Variants in GALNS observed in about 807,000 individuals in gnomAD.
GALNS encodes N-acetylgalactosamine-6-sulfatase.
GALNS carries 65 observed loss-of-function variants against 65.9 expected under a neutral mutation model. The ratio of observed to expected loss-of-function variants is 0.99; its 90% CI spans 0.81 to 1.21. The LOEUF (loss-of-function observed/expected upper bound fraction) is 1.21. Ranked by LOEUF, GALNS falls within the 50% of genes most tolerant of loss-of-function variation. The pLI, the probability that GALNS is intolerant of heterozygous loss-of-function variation, is 0.00. For synonymous variants in GALNS, 346 were observed against 288.9 expected (o/e 1.20, Z -2.00); for missense variants, 776 against 700.7 (o/e 1.11, Z -1.21).
At chr16:88,830,230 CAAAAAAAAAAA>C (rs758855583) in intron 9 of GALNS, among the ~76,000 whole-genome samples, 319 of 14,004 alleles carry the variant, frequency 0.023, 1 homozygote, top group African/African-American at 0.052. Context: ...GACTTCATCT[CAAAAAAAAAAA>C]AAAAAAAAAA....
chr16:88,850,272 T>G (rs1024269577), intron 1 of GALNS, among the ~76,000 whole-genome samples: 2 of 152,180 alleles, frequency 1.3e-5, no homozygotes, highest in Non-Finnish European at 1.5e-5. Context: ...ATCTGAATAC[T>G]GGGTGCCATG....
chr16:88,832,245 CG>C (rs1352527210), intron 8 of GALNS, 144 bp from the exon 9 acceptor site: 1 of 766,432 alleles, frequency 1.3e-6, no homozygotes, highest in African/African-American at 1.7e-5. Context: ...ATCCGAGCCT[CG>C]GGGTGGCTCT....
intron 12 of GALNS, among the ~76,000 whole-genome samples, chr16:88,820,914 G>A (rs977111097): frequency 7.9e-5 from 12 of 152,100 alleles, no homozygotes; most frequent in African/African-American, 2.9e-4. Flanking sequence ...TCTGCTCCCC[G>A]TGGTCCCCCT....
chr16:88,840,922 T>C (rs1219118433), intron 4 of GALNS, 70 bp downstream of exon 4: 7 of 1,220,244 alleles, frequency 5.7e-6, no homozygotes, highest in Middle Eastern at 1.9e-4. Flanking sequence ...CTTGTGGCCA[T>C]GTCCCTTGGA....
At chr16:88,848,311 G>T (rs565689093) in intron 1 of GALNS, among the ~76,000 whole-genome samples, 2 of 152,052 alleles carry the variant, frequency 1.3e-5, no homozygotes, top group African/African-American at 2.4e-5. Context: ...TTTCACCAGC[G>T]AATTCCGTCT....
intron 1 of GALNS, among the ~76,000 whole-genome samples, chr16:88,846,629 C>T (rs1321183298): frequency 1.3e-5 from 2 of 150,466 alleles, no homozygotes; most frequent in Admixed American, 1.3e-4. Context: ...GCAACCTTTG[C>T]CTCTCGGGTT....
rs1967935882 is a variant in GALNS at position 88,856,762 on chromosome 16, T to C, written c.116A>G (p.Asp39Gly). Residue 39 changes from aspartate (D) to glycine (G), a missense_variant, in exon 1 of 14, where the codon GAC becomes GGC. Physicochemically the swap from Asp to Gly is moderately conservative, Grantham distance 94. Coordinates refer to ENST00000268695, the MANE Select transcript of GALNS (RefSeq NM_000512.5). ...QPPNILLLLM[D>G]DMGWGDLGVY... ...CGTCCCACCGCCCGCACTCACGTCG[T>C]CCATGAGCAGGAGCAGGATGTTGGG... is the stretch of plus-strand genomic sequence containing the variant. 4.0e-6 allele frequency: 6 copies of C among 1,518,082 alleles called. No individual in the cohort carries two copies. Among genetic ancestry groups the C allele is most frequent in the South Asian group, 1.2e-5 (1 of 83,846 alleles). 94.0% of individuals were successfully genotyped at this position (1,518,082 alleles called of 1,614,324 possible).
rs562979635 is a variant in GALNS, at chr16:88,852,339, A to G, written c.120+4419T>C. ...ACAAACAGAAAGGAATAGCATCAAC[A>G]TCAACAAAAAGGACATCTACGCCAA... On this transcript the variant is annotated intron_variant, in intron 1 of 13. Transcript: ENST00000268695. Among the ~76,000 whole-genome samples, 6 of 152,356 alleles carry G rather than the reference A, an allele frequency of 3.9e-5. No individual in the cohort carries two copies. In the East Asian group the frequency reaches 1.2e-3, roughly 29 times the overall value.
At chr16:88,852,481 C>T (rs1371581470) in intron 1 of GALNS, among the ~76,000 whole-genome samples, 1 of 152,194 alleles carries the variant, frequency 6.6e-6, no homozygotes, top group Non-Finnish European at 1.5e-5. Context: ...TCTTCTCCTC[C>T]AAAGGATCGC....
At chr16:88,821,389 T>C (rs1325149846) in intron 12 of GALNS, among the ~76,000 whole-genome samples, 1 of 152,156 alleles carries the variant, frequency 6.6e-6, no homozygotes, top group African/African-American at 2.4e-5. Context: ...ACCCGTGCCT[T>C]AATCACAAGG....
intron 13 of GALNS, chr16:88,817,064 G>T: frequency 1.0e-6 from 1 of 985,458 alleles, no homozygotes; most frequent in South Asian, 4.7e-5. Flanking sequence ...TGTCCCATCT[G>T]AAGGAGCTGT....
intron 13 of GALNS, chr16:88,816,633 T>C (rs1909656528): frequency 1.0e-6 from 1 of 983,920 alleles, no homozygotes; most frequent in African/African-American, 1.8e-5. Context: ...TGGTCCTCAC[T>C]GCTGGTAGGT....
At chr16:88,815,399 C>T in intron 13 of GALNS, 1 of 985,486 alleles carries the variant, frequency 1.0e-6, no homozygotes, top group South Asian at 4.7e-5. Context: ...AGGGAGAAGC[C>T]AGTCCCTACT....
rs1243186771 is a variant in GALNS at position 88,814,480 on chromosome 16, G to A, written c.1528C>T (p.Pro510Ser). 5.8e-6 allele frequency: 9 copies of A among 1,563,656 alleles called. No homozygotes were observed. The highest frequency in any genetic ancestry group is 7.8e-6 in the Non-Finnish European group (9 of 1,153,344). Reference protein sequence around the residue: ...GCEKLGKCLTPPESIPKKCLW... With the variant: ...GCEKLGKCLTSPESIPKKCLW... ...CACTTCTTGGGAATGGATTCTGGAG[G>A]TGTCAGACACTTCCCTAACTTTTCA... The change falls in exon 14 of 14, where the codon CCT (proline) becomes TCT (serine). Residue 510 changes from proline to serine, a missense_variant. Physicochemically the swap from Pro to Ser is moderately conservative, Grantham distance 74. Coordinates refer to ENST00000268695, the MANE Select transcript of GALNS (RefSeq NM_000512.5).
Position 88,815,739 on chromosome 16 carries a change from G to C in GALNS, c.1483-1214C>G, listed in dbSNP as rs930096297. ...CAGTCTCCAGCCCTAGGCGGCAGCA[G>C]GGATGCCGCATGAGTGTCCCTGCCC... On this transcript the variant is annotated intron_variant, in intron 13 of 13. Coordinates refer to ENST00000268695, the MANE Select transcript of GALNS (RefSeq NM_000512.5). The C allele has an allele frequency of 3.0e-6, 3 of 985,350 alleles. No homozygotes were observed. In the African/African-American group the frequency reaches 5.2e-5, roughly 17 times the overall value. 61.0% of individuals were successfully genotyped at this position (985,350 alleles called of 1,614,324 possible).
chr16:88,829,463 G>C (rs1911264699), intron 9 of GALNS, among the ~76,000 whole-genome samples: 1 of 152,230 alleles, frequency 6.6e-6, no homozygotes, highest in African/African-American at 2.4e-5. Context: ...TGAACCGTGG[G>C]GTCTCTTCCA....
intron 2 of GALNS, chr16:88,842,466 C>G: frequency 1.7e-6 from 1 of 590,572 alleles, no homozygotes; most frequent in Non-Finnish European, 3.0e-6. Context: ...GGAAACAGAA[C>G]AGCAGCCACC....
chr16:88,846,645 G>A (rs1385828577), intron 1 of GALNS, among the ~76,000 whole-genome samples: 3 of 151,190 alleles, frequency 2.0e-5, no homozygotes, highest in Non-Finnish European at 1.5e-5. Flanking sequence ...GGGTTCAAGC[G>A]ATTACTCCTG....
intron 4 of GALNS, chr16:88,840,542 G>A (rs1966916479): frequency 6.5e-5 from 20 of 306,204 alleles, no homozygotes; most frequent in South Asian, 5.7e-4. Context: ...CTGCTAGGCT[G>A]TTACTCTCCT....
Sources: allele counts gnomAD v4.1 joint callset (sites outside exome capture counted in the v4.1 genomes callset), GRCh38; gene constraint gnomAD v4.1.1; transcripts MANE v1.5; gene names NCBI Gene and HGNC (gene_info 2026-07-23, HGNC 2026-07-21).